The following TAFA2 variants were observed in gnomAD, a reference collection of about 807,000 sequenced individuals.
TAFA2 encodes chemokine-like protein TAFA-2.
In TAFA2, 7 loss-of-function variants were observed where a neutral mutation model predicts 18.8. The observed-to-expected ratio is 0.37, with a 90% CI of 0.21 to 0.70. TAFA2 has a LOEUF of 0.70. Ranked by LOEUF, TAFA2 falls within the 30% of genes least tolerant of loss-of-function variation. The pLI, the probability that TAFA2 is intolerant of heterozygous loss-of-function variation, is 0.53. For missense variants in TAFA2, 122 were observed against 158.1 expected (o/e 0.77, Z 1.23); for synonymous variants, 60 against 54.2 (o/e 1.11, Z -0.47).
chr12:62,012,621 AG>A (rs1252675619), intron 1 of TAFA2, among the ~76,000 whole-genome samples: 5 of 152,292 alleles, frequency 3.3e-5, no homozygotes, highest in Admixed American at 2.6e-4. Flanking sequence ...ATTCCATCTC[AG>A]ACTTTGTCTT....
chr12:61,763,509 A>G (rs1869651550), intron 2 of TAFA2, among the ~76,000 whole-genome samples: 1 of 152,000 alleles, frequency 6.6e-6, no homozygotes, highest in African/African-American at 2.4e-5. Flanking sequence ...GTCGATGTTA[A>G]GAAAGGTGTA....
intron 2 of TAFA2, among the ~76,000 whole-genome samples, chr12:61,771,880 G>A (rs115671133): frequency 0.02 from 2,958 of 145,670 alleles, 103 homozygotes; most frequent in African/African-American, 0.071. Context: ...AAATAACAAA[G>A]GTTAGACCAG....
chr12:62,201,774 C>T (rs1466200608), intron 1 of TAFA2, among the ~76,000 whole-genome samples: 1 of 152,154 alleles, frequency 6.6e-6, no homozygotes, highest in Non-Finnish European at 1.5e-5. Flanking sequence ...TGGGAGGGGT[C>T]TCTCCTTTTC....
chr12:61,892,065 A>G (rs1875660106), intron 1 of TAFA2, among the ~76,000 whole-genome samples: 1 of 151,608 alleles, frequency 6.6e-6, no homozygotes, highest in Non-Finnish European at 1.5e-5. Context: ...GCAAGTTATG[A>G]TGATGGCCTG....
At chr12:61,774,466 T>C (rs1005446749) in intron 2 of TAFA2, among the ~76,000 whole-genome samples, 2 of 151,408 alleles carry the variant, frequency 1.3e-5, no homozygotes, top group Non-Finnish European at 3.0e-5. Context: ...AAAATATATA[T>C]ACCATGGAAT....
chr12:62,157,295 T>C (rs913301546), intron 1 of TAFA2, among the ~76,000 whole-genome samples: 4 of 152,104 alleles, frequency 2.6e-5, no homozygotes, highest in Non-Finnish European at 5.9e-5. Context: ...AAAGTCAATG[T>C]AGGAAAGAAG....
chr12:61,933,687 C>T (rs571498658), intron 1 of TAFA2, among the ~76,000 whole-genome samples: 1 of 152,178 alleles, frequency 6.6e-6, no homozygotes, highest in Admixed American at 6.5e-5. Context: ...CACACCACTG[C>T]ACTCCAGCCT....
intron 1 of TAFA2, among the ~76,000 whole-genome samples, chr12:62,075,711 G>C (rs1868246994): frequency 6.6e-6 from 1 of 152,086 alleles, no homozygotes; most frequent in South Asian, 2.1e-4. Flanking sequence ...CATATATATT[G>C]TTTTATGGTC....
intron 1 of TAFA2, among the ~76,000 whole-genome samples, chr12:62,108,150 C>A (rs909246565): frequency 1.3e-5 from 2 of 152,094 alleles, no homozygotes; most frequent in East Asian, 1.9e-4. Context: ...CCCCCACCCC[C>A]CAACAGGCCC....
chr12:62,042,625 T>G (rs544774372), intron 1 of TAFA2, among the ~76,000 whole-genome samples: 1 of 152,218 alleles, frequency 6.6e-6, no homozygotes, highest in South Asian at 2.1e-4. Flanking sequence ...TCCTAAGTAC[T>G]TGCATGATAT....
intron 1 of TAFA2, among the ~76,000 whole-genome samples, chr12:62,150,896 A>T (rs1290493702): frequency 6.6e-6 from 1 of 152,086 alleles, no homozygotes; most frequent in African/African-American, 2.4e-5. Context: ...TCCAAAAAAA[A>T]AAAAACTGCT....
intron 1 of TAFA2, among the ~76,000 whole-genome samples, chr12:62,088,876 T>TC (rs1868578497): frequency 7.6e-6 from 1 of 131,444 alleles, no homozygotes; most frequent in African/African-American, 2.7e-5. Context: ...ACATATGTTT[T>TC]TCTTTCTCTC....
chr12:62,032,344 A>G (rs376177088), intron 1 of TAFA2, among the ~76,000 whole-genome samples: 1 of 152,186 alleles, frequency 6.6e-6, no homozygotes, highest in African/African-American at 2.4e-5. Flanking sequence ...CCAGTAATAC[A>G]TCTTGTAATT....
chr12:62,134,628 T>A (rs747985684), intron 1 of TAFA2, among the ~76,000 whole-genome samples: 1 of 152,070 alleles, frequency 6.6e-6, no homozygotes, highest in Non-Finnish European at 1.5e-5. Context: ...ATCTACACTT[T>A]GTGGCTATGA....
chr12:61,727,843 A>G (rs1565752291), intron 4 of TAFA2, among the ~76,000 whole-genome samples: 1 of 151,956 alleles, frequency 6.6e-6, no homozygotes, highest in African/African-American at 2.4e-5. Flanking sequence ...TAATGTAGGC[A>G]TTCAATGACA....
intron 1 of TAFA2, among the ~76,000 whole-genome samples, chr12:62,111,185 T>C (rs945703832): frequency 6.6e-6 from 1 of 152,256 alleles, no homozygotes; most frequent in Non-Finnish European, 1.5e-5. Flanking sequence ...TGGTACATTG[T>C]GTCTTTGTTC....
intron 2 of TAFA2, among the ~76,000 whole-genome samples, chr12:61,778,852 C>G (rs116053455): frequency 0.021 from 3,171 of 151,988 alleles, 99 homozygotes; most frequent in African/African-American, 0.072. Context: ...TAGCCCCCAT[C>G]TGCTTCTGGG....
At chr12:61,715,149 T>C (rs1422277458) in intron 4 of TAFA2, among the ~76,000 whole-genome samples, 4 of 152,132 alleles carry the variant, frequency 2.6e-5, no homozygotes, top group African/African-American at 7.2e-5. Flanking sequence ...AGGATACCTA[T>C]TGGAGGGCGG....
At chr12:61,724,796 T>TATACACCAGATGG (rs1477626706) in intron 4 of TAFA2, among the ~76,000 whole-genome samples, 1,838 of 137,364 alleles carry the variant, frequency 0.013, 6 homozygotes, top group African/African-American at 0.023. Flanking sequence ...TGTGTGTGTG[T>TATACACCAGATGG]GTGTGTATAC....
Sources: gnomAD v4.1 joint callset for allele counts (sites outside exome capture counted in the v4.1 genomes callset) on GRCh38, gnomAD v4.1.1 for gene constraint, MANE v1.5 for transcripts, NCBI Gene and HGNC (gene_info 2026-07-23, HGNC 2026-07-21) for gene names.